SCAI: variants seen among roughly 807,000 people sequenced by gnomAD.
SCAI encodes suppressor of cancer cell invasion.
A neutral mutation model predicts 92.2 loss-of-function variants in SCAI; 24 were observed. That is an observed-to-expected ratio of 0.26 (90% CI 0.19 to 0.37). SCAI has a LOEUF of 0.37. Among genes scored for constraint, SCAI ranks in the 10% least tolerant of loss-of-function variants. The pLI is 1.00. For synonymous variants in SCAI, 261 were observed against 258.6 expected, an observed-to-expected ratio of 1.01 and a Z score of -0.09; for missense variants, 450 against 736.2, an observed-to-expected ratio of 0.61 and a Z score of 4.50.
intron 2 of SCAI, among the ~76,000 whole-genome samples, chr9:125,068,371 G>A (rs574485562): frequency 1.3e-5 from 2 of 152,144 alleles, no homozygotes; most frequent in South Asian, 2.1e-4. Context: ...ATGATGGCAT[G>A]CACCTGTAGT....
intron 2 of SCAI, among the ~76,000 whole-genome samples, chr9:125,056,229 G>T (rs1311749954): frequency 6.6e-6 from 1 of 152,148 alleles, no homozygotes; most frequent in Non-Finnish European, 1.5e-5. Flanking sequence ...ACTTTGGGAG[G>T]CCGAGGTGGA....
intron 14 of SCAI, among the ~76,000 whole-genome samples, chr9:124,984,992 A>T (rs1588132695): frequency 6.6e-6 from 1 of 152,194 alleles, no homozygotes; most frequent in African/African-American, 2.4e-5. Context: ...AGCAACTTGA[A>T]TTTGGGTTTT....
At chr9:124,957,196 G>A (rs1275520280) in intron 17 of SCAI, among the ~76,000 whole-genome samples, 1 of 151,768 alleles carries the variant, frequency 6.6e-6, no homozygotes, top group African/African-American at 2.4e-5. Context: ...GTTTCACCAT[G>A]TTACCCAGCT....
chr9:125,043,994 C>T (rs574702370), intron 3 of SCAI, among the ~76,000 whole-genome samples: 1 of 152,200 alleles, frequency 6.6e-6, no homozygotes, highest in Admixed American at 6.5e-5. Context: ...TTAAGAAGCT[C>T]CCTGCCCCCA....
chr9:125,086,155 G>C (rs1428287117), intron 2 of SCAI, among the ~76,000 whole-genome samples: 1 of 152,066 alleles, frequency 6.6e-6, no homozygotes, highest in African/African-American at 2.4e-5. Flanking sequence ...ATAGTTATTT[G>C]TGTACACTCG....
intron 3 of SCAI, among the ~76,000 whole-genome samples, chr9:125,049,538 ATCAT>A (rs1415928772): frequency 2.0e-5 from 3 of 152,240 alleles, no homozygotes; most frequent in African/African-American, 7.2e-5. Flanking sequence ...TATGCGAAAC[ATCAT>A]TCATTTCATC....
chr9:124,958,617 T>C lies in SCAI; in HGVS notation c.1675-5664A>G, dbSNP rs147042709. The stretch of plus-strand genomic sequence containing the variant: ...AAACTATAGAATTCCTAGAAGAAAA[T>C]AGGAGAAGGCCAGGCGTGGTGGCTC... On this transcript the variant is annotated intron_variant, in intron 17 of 17. Coordinates refer to ENST00000336505, the MANE Select transcript of SCAI (RefSeq NM_001144877.3). Among the ~76,000 whole-genome samples, 163 of 151,296 alleles carry C rather than the reference T, an allele frequency of 1.1e-3. 1 individual carries two copies. The highest frequency in any genetic ancestry group is 7.6e-3 in the East Asian group (39 of 5,150).
At chr9:125,120,491 G>T (rs906633789) in intron 2 of SCAI, among the ~76,000 whole-genome samples, 2 of 152,108 alleles carry the variant, frequency 1.3e-5, no homozygotes, top group Non-Finnish European at 2.9e-5. Flanking sequence ...TCAGGAGTTC[G>T]AGACCAGCCT....
chr9:124,982,563 C>T (rs1831908026), intron 14 of SCAI, among the ~76,000 whole-genome samples: 3 of 151,108 alleles, frequency 2.0e-5, no homozygotes, highest in Admixed American at 2.0e-4. Flanking sequence ...ACCTGTAATC[C>T]CAGTTATTTG....
At chr9:125,053,503 A>G (rs1433882745) in intron 3 of SCAI, among the ~76,000 whole-genome samples, 2 of 152,226 alleles carry the variant, frequency 1.3e-5, no homozygotes, top group African/African-American at 4.8e-5. Flanking sequence ...GATATGTGCT[A>G]TAACACAGAT....
At position 124,951,830 on chromosome 9, in the gene SCAI, T is replaced by C. The variant is rs1395290586; in HGVS notation, c.*977A>G. On this transcript the variant is annotated 3_prime_UTR_variant, in exon 18 of 18. Transcript: ENST00000336505. ...AATATAAAATACTAAATACAGGGAATGTTAATAAATCTTATTTCCAAATTA... is the reference window on the plus strand; with the variant it reads ...AATATAAAATACTAAATACAGGGAACGTTAATAAATCTTATTTCCAAATTA... The C allele has an allele frequency of 1.3e-5, 2 of 152,220 alleles. No homozygotes were observed. The highest frequency in any genetic ancestry group is 2.9e-5 in the Non-Finnish European group (2 of 68,042). The allele number at this position is 152,220 out of a possible 1,614,324, so 9.4% of individuals were successfully genotyped here. A position where few individuals can be genotyped will look rare whatever the true frequency, so the allele number is the denominator to read the frequency against.
intron 2 of SCAI, among the ~76,000 whole-genome samples, chr9:125,106,114 AAAAAAAAAATATATATATATATATAT>A (rs1490252062): frequency 2.2e-5 from 1 of 46,456 alleles, no homozygotes; most frequent in Non-Finnish European, 4.5e-5. Context: ...AAAAAAAAAA[AAAAAAAAAATATATATATATATATAT>A]ATATATATAT....
intron 2 of SCAI, among the ~76,000 whole-genome samples, chr9:125,105,941 A>G (rs1294209322): frequency 6.6e-6 from 1 of 150,432 alleles, no homozygotes; most frequent in Non-Finnish European, 1.5e-5. Flanking sequence ...TACTAAAAAT[A>G]CAAAAATTAG....
chr9:125,031,075 G>C (rs1461557285), intron 3 of SCAI, among the ~76,000 whole-genome samples: 1 of 152,134 alleles, frequency 6.6e-6, no homozygotes, highest in African/African-American at 2.4e-5. Context: ...GGACAAAACA[G>C]ATTTGGGAAA....
At chr9:125,084,976 T>A (rs1192343966) in intron 2 of SCAI, among the ~76,000 whole-genome samples, 1 of 152,196 alleles carries the variant, frequency 6.6e-6, no homozygotes, top group Non-Finnish European at 1.5e-5. Context: ...AGCTTACAGT[T>A]TTATCAAATT....
At chr9:125,141,633 C>T (rs1835668164) in intron 2 of SCAI, among the ~76,000 whole-genome samples, 1 of 152,188 alleles carries the variant, frequency 6.6e-6, no homozygotes, top group African/African-American at 2.4e-5. Context: ...TGTCCAACGA[C>T]AAAAGATAAA....
chr9:125,023,031 G>C (rs761402080), intron 6 of SCAI, among the ~76,000 whole-genome samples: 19 of 152,106 alleles, frequency 1.2e-4, no homozygotes, highest in Non-Finnish European at 2.5e-4. Context: ...ATGGATATCA[G>C]AATGGTTTAA....
intron 14 of SCAI, among the ~76,000 whole-genome samples, chr9:124,977,360 A>G (rs1831781822): frequency 1.3e-5 from 2 of 151,928 alleles, no homozygotes; most frequent in East Asian, 1.9e-4. Context: ...GGGGAACTAG[A>G]CTCATCAGAT....
intron 13 of SCAI, among the ~76,000 whole-genome samples, 170 bp downstream of exon 13, chr9:124,999,721 G>T (rs1444151702): frequency 6.6e-6 from 1 of 152,240 alleles, no homozygotes; most frequent in South Asian, 2.1e-4. Context: ...AGGATAGACA[G>T]AGCCTGAATT....
Sources: allele counts gnomAD v4.1 joint callset (sites outside exome capture counted in the v4.1 genomes callset), GRCh38; gene constraint gnomAD v4.1.1; transcripts MANE v1.5; gene names NCBI Gene and HGNC (gene_info 2026-07-23, HGNC 2026-07-21).